Variants in PCSK6 observed in about 807,000 individuals in gnomAD.
The protein encoded by PCSK6 is paired basic amino acid cleaving enzyme 4.
PCSK6 carries 85 observed loss-of-function variants against 123.3 expected under a neutral mutation model. The ratio of observed to expected loss-of-function variants is 0.69; its 90% CI spans 0.58 to 0.83. PCSK6 has a LOEUF of 0.83. Among genes scored for constraint, PCSK6 ranks in the 40% least tolerant of loss-of-function variants. The probability of loss-of-function intolerance (pLI) is 0.00; values close to 1 mark genes in which losing one functional copy is unlikely to be tolerated. For missense variants in PCSK6, 1,191 were observed against 1,282.3 expected, an observed-to-expected ratio of 0.93 and a Z score of 1.09; for synonymous variants, 508 against 516.0, an observed-to-expected ratio of 0.98 and a Z score of 0.21.
At chr15:101,368,959 G>C (rs1373968089) in intron 12 of PCSK6, among the ~76,000 whole-genome samples, 1 of 152,246 alleles carries the variant, frequency 6.6e-6, no homozygotes, top group Non-Finnish European at 1.5e-5. Context: ...TCGTGCCCGT[G>C]TGAGACCTCC....
chr15:101,427,490 TG>T (rs1258362900), intron 6 of PCSK6, among the ~76,000 whole-genome samples: 15 of 152,078 alleles, frequency 9.9e-5, no homozygotes, highest in Admixed American at 5.2e-4. Context: ...CAGGCTTGAG[TG>T]GGAGTCAGAA....
intron 11 of PCSK6, among the ~76,000 whole-genome samples, chr15:101,376,198 T>C (rs1006907564): frequency 1.3e-5 from 2 of 152,116 alleles, no homozygotes; most frequent in Non-Finnish European, 2.9e-5. Context: ...GCTCAAGCGA[T>C]CCTCCCACCT....
At chr15:101,469,538 A>T (rs2141230980) in intron 1 of PCSK6, among the ~76,000 whole-genome samples, 1 of 152,296 alleles carries the variant, frequency 6.6e-6, no homozygotes, top group African/African-American at 2.4e-5. Flanking sequence ...TTAGTTAATT[A>T]ATTTCAGGCA....
intron 1 of PCSK6, among the ~76,000 whole-genome samples, chr15:101,469,385 G>A (rs1353946062): frequency 1.3e-5 from 2 of 152,188 alleles, no homozygotes; most frequent in Non-Finnish European, 1.5e-5. Flanking sequence ...CATGCCCTGC[G>A]TGACTGTGTG....
At chr15:101,483,094 G>A (rs538964615) in intron 1 of PCSK6, among the ~76,000 whole-genome samples, 3 of 152,302 alleles carry the variant, frequency 2.0e-5, no homozygotes, top group African/African-American at 4.8e-5. Context: ...GGCCAGCCGC[G>A]CACAGCCAGT....
chr15:101,426,550 G>T (rs1461571778), intron 6 of PCSK6, among the ~76,000 whole-genome samples: 4 of 152,218 alleles, frequency 2.6e-5, no homozygotes, highest in African/African-American at 9.7e-5. Flanking sequence ...GCCCTTGGGG[G>T]TTAATTCTGC....
At chr15:101,430,254 G>A (rs377201771) in intron 4 of PCSK6, among the ~76,000 whole-genome samples, 191 bp from the exon 5 acceptor site, 13 of 151,286 alleles carry the variant, frequency 8.6e-5, no homozygotes, top group South Asian at 8.4e-4. Context: ...AACCATTCTC[G>A]AGTGTGCGGC....
chr15:101,413,005 T>G (rs1307131011), intron 6 of PCSK6, among the ~76,000 whole-genome samples: 117 of 106,002 alleles, frequency 1.1e-3, no homozygotes, highest in Non-Finnish European at 1.3e-3. Flanking sequence ...GGAGGAGGAG[T>G]GAGGAGGAGG....
At chr15:101,318,279 G>A (rs1242093020) in intron 19 of PCSK6, 40 bp downstream of exon 19, 4 of 1,431,960 alleles carry the variant, frequency 2.8e-6, no homozygotes, top group Non-Finnish European at 3.9e-6. Flanking sequence ...CCTACGCTTG[G>A]GTGACGCTGG....
intron 5 of PCSK6, among the ~76,000 whole-genome samples, chr15:101,429,739 T>A (rs1298365751): frequency 6.6e-6 from 1 of 152,212 alleles, no homozygotes; most frequent in Non-Finnish European, 1.5e-5. Context: ...ACGATGTCTG[T>A]CAAACACCCA....
At chr15:101,456,334 C>T (rs2057179147) in intron 1 of PCSK6, among the ~76,000 whole-genome samples, 1 of 152,216 alleles carries the variant, frequency 6.6e-6, no homozygotes, top group Non-Finnish European at 1.5e-5. Context: ...GTGCGTTTAT[C>T]AATAGTGACG....
intron 13 of PCSK6, among the ~76,000 whole-genome samples, chr15:101,335,170 G>T (rs917882055): frequency 4.6e-5 from 7 of 152,190 alleles, no homozygotes; most frequent in South Asian, 2.1e-4. Context: ...ATGTTTCTCA[G>T]GCTGGTCTCA....
In PCSK6 at chr15:101,489,681, G is replaced by C; in HGVS notation, c.-11C>G. The C allele has an allele frequency of 1.0e-6, 1 of 972,186 alleles. No individual in the cohort carries two copies. The highest frequency in any genetic ancestry group is 1.2e-6 in the Non-Finnish European group (1 of 821,132). 60.2% of individuals were successfully genotyped at this position (972,186 alleles called of 1,614,324 possible). Reference sequence around the variant, plus strand: ...CGCGCGCGGAGGCATAGCGGCGACAGGCTCGCGCGGCGCCCGAGCTGCGAG... The same window carrying C: ...CGCGCGCGGAGGCATAGCGGCGACACGCTCGCGCGGCGCCCGAGCTGCGAG... On this transcript the variant is annotated 5_prime_UTR_variant, in exon 1 of 22. Coordinates refer to ENST00000611716, the MANE Select transcript of PCSK6 (RefSeq NM_002570.5).
intron 13 of PCSK6, among the ~76,000 whole-genome samples, chr15:101,343,732 A>G (rs2141393015): frequency 6.6e-6 from 1 of 152,358 alleles, no homozygotes; most frequent in African/African-American, 2.4e-5. Flanking sequence ...TTGGAAATCC[A>G]TCGAAGCTTG....
At chr15:101,382,322 A>G (rs995470891) in intron 10 of PCSK6, 113 bp from the exon 11 acceptor site, 51 of 821,456 alleles carry the variant, frequency 6.2e-5, no homozygotes, top group Non-Finnish European at 9.2e-5. Context: ...GTAAGACTCG[A>G]GGTCTCCTGG....
At chr15:101,374,514 C>A (rs190385883) in intron 11 of PCSK6, among the ~76,000 whole-genome samples, 1 of 152,114 alleles carries the variant, frequency 6.6e-6, no homozygotes, top group Admixed American at 6.5e-5. Context: ...CCTTGCACAA[C>A]GCACTTGCTT....
chr15:101,343,737 A>G (rs1180506727), intron 13 of PCSK6, among the ~76,000 whole-genome samples: 1 of 152,228 alleles, frequency 6.6e-6, no homozygotes, highest in Non-Finnish European at 1.5e-5. Flanking sequence ...AATCCATCGA[A>G]GCTTGCCAAA....
At chr15:101,481,855 C>T (rs1302345236) in intron 1 of PCSK6, among the ~76,000 whole-genome samples, 1 of 152,194 alleles carries the variant, frequency 6.6e-6, no homozygotes. Flanking sequence ...TGAGTGGCTT[C>T]CTAGAAGGAC....
chr15:101,348,559 C>A (rs2040805076), intron 13 of PCSK6, among the ~76,000 whole-genome samples: 1 of 152,162 alleles, frequency 6.6e-6, no homozygotes, highest in Admixed American at 6.5e-5. Context: ...TAATTGGCTT[C>A]AAGGAAGCTC....
Sources: gnomAD v4.1 joint callset for allele counts (sites outside exome capture counted in the v4.1 genomes callset) on GRCh38, gnomAD v4.1.1 for gene constraint, MANE v1.5 for transcripts, NCBI Gene and HGNC (gene_info 2026-07-23, HGNC 2026-07-21) for gene names.